Variants in GPR174 observed in about 807,000 individuals in gnomAD.
GPR174 encodes probable G protein-coupled receptor 174.
A neutral mutation model predicts 16.5 loss-of-function variants in GPR174; 8 were observed. The ratio of observed to expected loss-of-function variants is 0.48; its 90% CI spans 0.28 to 0.87. The LOEUF is 0.87. Among genes scored for constraint, GPR174 ranks in the 40% least tolerant of loss-of-function variants. GPR174 has a pLI of 0.09. For missense variants in GPR174, 214 were observed against 247.5 expected (o/e 0.86, Z 0.91); for synonymous variants, 111 against 94.8 (o/e 1.17, Z -0.99).
rs749599087 is a variant in GPR174, at chrX:79,171,567, C to G, written c.560C>G (p.Thr187Ser). 14 of 1,208,980 alleles carry G rather than the reference C, an allele frequency of 1.2e-5. No homozygotes were observed. In the South Asian group the frequency reaches 1.8e-4, roughly 15 times the overall value. The change falls in exon 3 of 3, where the codon ACC becomes AGC. Residue 187 changes from threonine to serine, a missense_variant. Coordinates refer to ENST00000645147, the MANE Select transcript of GPR174 (RefSeq NM_032553.3). ...CTGGCCCAGTCCGTTGTTATGATGACCATTGGCGAGTTGATTGGGTTTGTA... is the reference window on the plus strand; with the variant it reads ...CTGGCCCAGTCCGTTGTTATGATGAGCATTGGCGAGTTGATTGGGTTTGTA... ...VNLAQSVVMM[T>S]IGELIGFVTP...
intron 2 of GPR174, among the ~76,000 whole-genome samples, chrX:79,167,237 T>G (rs1921395785): frequency 8.9e-6 from 1 of 112,269 alleles, no homozygotes; most frequent in South Asian, 3.7e-4. Flanking sequence ...TCTCAGATTT[T>G]AAGGCTCTCC....
rs1224652034 is a variant in GPR174, at chrX:79,144,972, CTTTCTT to C, written c.-891_-886del. ...TCTTTTTCTTTCTTTCTTTCTCTTT[CTTTCTT>C]TTTCTTTCTTTCTTTCTCTCTCTCT... On this transcript the variant is annotated 5_prime_UTR_variant, in exon 1 of 3. Transcript: ENST00000645147. 1 of 91,463 alleles carries C rather than the reference CTTTCTT, an allele frequency of 1.1e-5. No individual in the cohort carries two copies. Among genetic ancestry groups the C allele is most frequent in the African/African-American group, 4.1e-5 (1 of 24,242 alleles). 7.5% of individuals were successfully genotyped at this position (91,463 alleles called of 1,213,427 possible).
chrX:79,164,111 G>T (rs780494534), intron 2 of GPR174, among the ~76,000 whole-genome samples: 1 of 111,074 alleles, frequency 9.0e-6, no homozygotes, highest in Non-Finnish European at 1.9e-5. Context: ...AGTAGACTGA[G>T]CTCCAAATGA....
At chrX:79,151,365 G>A (rs1194400082) in intron 1 of GPR174, among the ~76,000 whole-genome samples, 1 of 110,567 alleles carries the variant, frequency 9.0e-6, no homozygotes, top group African/African-American at 3.3e-5. Context: ...ACTTTATTGA[G>A]GAAGGATTAG....
In GPR174 at chrX:79,172,106, C is replaced by CT. The variant is rs376831350; in HGVS notation, c.*101dup. On this transcript the variant is annotated 3_prime_UTR_variant, in exon 3 of 3. Coordinates refer to ENST00000645147, the MANE Select transcript of GPR174 (RefSeq NM_032553.3). Reference sequence around the variant, plus strand: ...GGGAAGAACTTGCAAAACAACACAGCTTTTCAGTTCTGCTCTATCTTACTG... The same window carrying CT: ...GGGAAGAACTTGCAAAACAACACAGCTTTTTCAGTTCTGCTCTATCTTACTG... 3.7e-4 allele frequency: 319 copies of CT among 860,947 alleles called. 1 individual carries two copies. The African/African-American group carries it at 5.6e-3, about 15-fold the overall frequency. The allele number at this position is 860,947 out of a possible 1,213,427, so 71.0% of individuals were successfully genotyped here.
rs190442803 is a variant in GPR174, at chrX:79,157,123, T to C, written c.-557+205T>C. On this transcript the variant is annotated intron_variant, in intron 2 of 2. Transcript: ENST00000645147. ...ACAGAACACGAAAAGCTGTAGTTTC[T>C]GGAGTATTTGATAAAATGTGGCATT... Among the ~76,000 whole-genome samples, 454 of 111,957 alleles carry C rather than the reference T, an allele frequency of 4.1e-3. 5 individuals carry two copies. In the South Asian group the frequency reaches 0.095, roughly 23 times the overall value.
intron 1 of GPR174, among the ~76,000 whole-genome samples, chrX:79,146,173 C>G (rs962095678): frequency 9.0e-6 from 1 of 111,307 alleles, no homozygotes; most frequent in African/African-American, 3.3e-5. Context: ...AGAAAAAAGT[C>G]ATGAATTCCT....
At chrX:79,158,498 C>T (rs1439635231) in intron 2 of GPR174, among the ~76,000 whole-genome samples, 1 of 95,927 alleles carries the variant, frequency 1.0e-5, no homozygotes, top group East Asian at 3.2e-4. Context: ...GGCTGGAGTG[C>T]AGTGACGCAA....
In GPR174 at chrX:79,150,892, G is replaced by A. The variant is rs1011788273; in HGVS notation, c.-654+5675G>A. Among the ~76,000 whole-genome samples, 3 of 111,034 alleles carry A rather than the reference G, an allele frequency of 2.7e-5. No homozygotes were observed. The East Asian group carries it at 8.5e-4, about 31-fold the overall frequency. On this transcript the variant is annotated intron_variant, in intron 1 of 2. Transcript: ENST00000645147. ...TTTTCTAATATGATTTCGGATTTTGGACGTACATTTAGGAGTTTCCAGAGC... is the reference window on the plus strand; with the variant it reads ...TTTTCTAATATGATTTCGGATTTTGAACGTACATTTAGGAGTTTCCAGAGC...
intron 2 of GPR174, among the ~76,000 whole-genome samples, chrX:79,157,996 C>T (rs1321052582): frequency 9.3e-6 from 1 of 107,806 alleles, no homozygotes; most frequent in African/African-American, 3.4e-5. Context: ...TCCTGTAGCG[C>T]ACATATCCCC....
rs1926461998 is a variant in GPR174, at chrX:79,144,999, T to C, written c.-872T>C. On this transcript the variant is annotated 5_prime_UTR_variant, in exon 1 of 3. Transcript: ENST00000645147. ...TTCTTTTTCTTTCTTTCTTTCTCTC[T>C]CTCTCTCTTTCTTTCTTTCTTTCTT... 1 of 35,289 alleles carries C rather than the reference T, an allele frequency of 2.8e-5. No homozygotes were observed. The highest frequency in any genetic ancestry group is 8.3e-5 in the African/African-American group (1 of 12,004). The allele number at this position is 35,289 out of a possible 1,213,427, so 2.9% of individuals were successfully genotyped here.
Position 79,172,104 on chromosome X carries a change from A to G in GPR174, c.*95A>G. On this transcript the variant is annotated 3_prime_UTR_variant, in exon 3 of 3. Transcript: ENST00000645147. ...CAGGGAAGAACTTGCAAAACAACACAGCTTTTCAGTTCTGCTCTATCTTAC... is the reference window on the plus strand; with the variant it reads ...CAGGGAAGAACTTGCAAAACAACACGGCTTTTCAGTTCTGCTCTATCTTAC... 1.1e-6 allele frequency: 1 copy of G among 900,473 alleles called. No homozygotes were observed. The highest frequency in any genetic ancestry group is 2.6e-5 in the South Asian group (1 of 39,157). 74.2% of individuals were successfully genotyped at this position (900,473 alleles called of 1,213,427 possible).
At chrX:79,153,600 T>C (rs915597416) in intron 1 of GPR174, among the ~76,000 whole-genome samples, 1 of 111,349 alleles carries the variant, frequency 9.0e-6, no homozygotes, top group African/African-American at 3.3e-5. Context: ...GTTAAGAATA[T>C]TGGTTTCTAT....
intron 2 of GPR174, among the ~76,000 whole-genome samples, chrX:79,164,945 A>G (rs1187096142): frequency 9.0e-6 from 1 of 111,479 alleles, no homozygotes; most frequent in Non-Finnish European, 1.9e-5. Flanking sequence ...CAAGAATGAG[A>G]CACCTGTATT....
At chrX:79,156,493 C>G (rs1402873951) in intron 1 of GPR174, among the ~76,000 whole-genome samples, 1 of 112,017 alleles carries the variant, frequency 8.9e-6, no homozygotes, top group Non-Finnish European at 1.9e-5. Flanking sequence ...GTGAGTTTAA[C>G]AAGAGGCTGT....
rs3827441 is a variant in GPR174 at position 79,170,796 on chromosome X, C to T, written c.-212C>T. 1.5e-4 allele frequency: 63 copies of T among 414,239 alleles called. No individual in the cohort carries two copies. The highest frequency in any genetic ancestry group is 1.4e-3 in the African/African-American group (57 of 39,735). The allele number at this position is 414,239 out of a possible 1,213,427, so 34.1% of individuals were successfully genotyped here. ...TACACTAGACTTCCATGTAGTTACTCTAGAGAAATCTAAATCAAAAATGCA... is the reference window on the plus strand; with the variant it reads ...TACACTAGACTTCCATGTAGTTACTTTAGAGAAATCTAAATCAAAAATGCA... On this transcript the variant is annotated 5_prime_UTR_variant, in exon 3 of 3. Transcript: ENST00000645147.
chrX:79,161,947 G>A (rs1442326600), intron 2 of GPR174, among the ~76,000 whole-genome samples: 5 of 111,628 alleles, frequency 4.5e-5, no homozygotes, highest in Admixed American at 9.5e-5. Context: ...ACTTGCTTTC[G>A]TTTTTACTTT....
chrX:79,163,070 A>G (rs975035152), intron 2 of GPR174, among the ~76,000 whole-genome samples: 1 of 111,547 alleles, frequency 9.0e-6, no homozygotes, highest in African/African-American at 3.3e-5. Context: ...AAAGGGTGCA[A>G]TAATAAATCA....
chrX:79,162,643 T>C (rs1427878524), intron 2 of GPR174, among the ~76,000 whole-genome samples: 1 of 112,174 alleles, frequency 8.9e-6, no homozygotes, highest in East Asian at 2.8e-4. Flanking sequence ...CAGGTGTTTC[T>C]TATAGATTTA....
Sources: gnomAD v4.1 joint callset for allele counts (sites outside exome capture counted in the v4.1 genomes callset) on GRCh38, gnomAD v4.1.1 for gene constraint, MANE v1.5 for transcripts, NCBI Gene and HGNC (gene_info 2026-07-23, HGNC 2026-07-21) for gene names.